The following ENTREP2 variants were observed in gnomAD, a reference collection of about 807,000 sequenced individuals.
The protein encoded by ENTREP2 is endosomal transmembrane epsin interactor 2.
the ENTREP2 span, among the ~76,000 whole-genome samples, chr15:29,178,307 A>AG: frequency 1.5e-4 from 23 of 151,694 alleles, no homozygotes; most frequent in African/African-American, 5.1e-4. Context: ...AAAAAAAAAA[A>AG]AAAGAAAGAA....
chr15:29,251,455 T>C, the ENTREP2 span, among the ~76,000 whole-genome samples: 1 of 152,246 alleles, frequency 6.6e-6, no homozygotes, highest in African/African-American at 2.4e-5. Flanking sequence ...CCCACCACGC[T>C]GCATGCAGCC....
At chr15:29,433,833 T>A in the ENTREP2 span, among the ~76,000 whole-genome samples, 1 of 149,882 alleles carries the variant, frequency 6.7e-6, no homozygotes, top group African/African-American at 2.5e-5. Flanking sequence ...CTGTGCATTC[T>A]CCTTTCCTAA....
the ENTREP2 span, among the ~76,000 whole-genome samples, chr15:29,447,560 G>A: frequency 6.6e-6 from 1 of 152,074 alleles, no homozygotes; most frequent in Admixed American, 6.5e-5. Flanking sequence ...CAACCTCTGG[G>A]CTTAAGCCAT....
At chr15:29,502,701 G>A in the ENTREP2 span, among the ~76,000 whole-genome samples, 1 of 151,924 alleles carries the variant, frequency 6.6e-6, no homozygotes, top group African/African-American at 2.4e-5. Flanking sequence ...TCTGATAAAG[G>A]TCTAGTAACC....
the ENTREP2 span, chr15:29,234,543 T>C: frequency 1.4e-5 from 19 of 1,384,188 alleles, no homozygotes; most frequent in African/African-American, 2.3e-4. Context: ...GGTGGGCAAA[T>C]AGCAACAGAT....
chr15:29,476,345 G>C, the ENTREP2 span, among the ~76,000 whole-genome samples: 1 of 152,218 alleles, frequency 6.6e-6, no homozygotes, highest in Non-Finnish European at 1.5e-5. Flanking sequence ...TCTATGTGTA[G>C]TTCTATTGGA....
the ENTREP2 span, among the ~76,000 whole-genome samples, chr15:29,325,366 A>G: frequency 6.6e-6 from 1 of 152,276 alleles, no homozygotes; most frequent in East Asian, 1.9e-4. Context: ...TTGAAAAATA[A>G]TAGAGAAAAT....
chr15:29,164,863 A>G, the ENTREP2 span, among the ~76,000 whole-genome samples: 2 of 152,278 alleles, frequency 1.3e-5, no homozygotes, highest in South Asian at 2.1e-4. Flanking sequence ...TCATCCAACA[A>G]CCTCAGAATA....
chr15:29,653,998 A>G, the ENTREP2 span, among the ~76,000 whole-genome samples: 1 of 152,162 alleles, frequency 6.6e-6, no homozygotes, highest in Admixed American at 6.5e-5. Context: ...TGATGCTAAC[A>G]TGTTCTGTTC....
chr15:29,641,176 C>T, the ENTREP2 span, among the ~76,000 whole-genome samples: 3 of 152,238 alleles, frequency 2.0e-5, no homozygotes, highest in South Asian at 2.1e-4. Context: ...AGTTCCTAAG[C>T]CTGATAAAAA....
chr15:29,464,698 T>C, the ENTREP2 span, among the ~76,000 whole-genome samples: 1 of 152,088 alleles, frequency 6.6e-6, no homozygotes, highest in East Asian at 1.9e-4. Flanking sequence ...GTGGACCCTA[T>C]GAAGAGGAGG....
the ENTREP2 span, among the ~76,000 whole-genome samples, chr15:29,129,568 G>T: frequency 6.6e-6 from 1 of 152,118 alleles, no homozygotes; most frequent in Non-Finnish European, 1.5e-5. Context: ...CTGCAGACTC[G>T]AACTCCTGGG....
the ENTREP2 span, among the ~76,000 whole-genome samples, chr15:29,139,679 A>G: frequency 6.6e-6 from 1 of 152,144 alleles, no homozygotes; most frequent in Admixed American, 6.5e-5. Flanking sequence ...AGGCTATGTA[A>G]AGGTCAAAGG....
the ENTREP2 span, among the ~76,000 whole-genome samples, chr15:29,519,624 C>T: frequency 2.6e-5 from 4 of 152,002 alleles, no homozygotes; most frequent in East Asian, 3.9e-4. Flanking sequence ...GTTAATTGAC[C>T]GTGTTTATTA....
At chr15:29,397,005 T>TTG in the ENTREP2 span, among the ~76,000 whole-genome samples, 1 of 152,142 alleles carries the variant, frequency 6.6e-6, no homozygotes, top group East Asian at 1.9e-4. Context: ...CCAAAATACA[T>TTG]TACAAGATGA....
the ENTREP2 span, among the ~76,000 whole-genome samples, chr15:29,299,958 TGGGTG>T: frequency 6.8e-6 from 1 of 146,472 alleles, no homozygotes; most frequent in African/African-American, 2.6e-5. Flanking sequence ...GATGGATGGG[TGGGTG>T]GATGAATGGA....
At chr15:29,400,415 A>G in the ENTREP2 span, among the ~76,000 whole-genome samples, 2 of 152,236 alleles carry the variant, frequency 1.3e-5, no homozygotes, top group Non-Finnish European at 2.9e-5. Context: ...CTTCATGACT[A>G]GATGGGAGGG....
the ENTREP2 span, among the ~76,000 whole-genome samples, chr15:29,167,456 CTG>C: frequency 6.6e-5 from 10 of 152,240 alleles, no homozygotes; most frequent in Middle Eastern, 3.4e-3. Context: ...CTACAACAAA[CTG>C]AAACAAATCA....
At chr15:29,415,057 G>A in the ENTREP2 span, among the ~76,000 whole-genome samples, 5 of 152,116 alleles carry the variant, frequency 3.3e-5, no homozygotes, top group African/African-American at 7.2e-5. Flanking sequence ...ATTCACAGCC[G>A]AATTCTACCA....
Sources: gnomAD v4.1 joint callset for allele counts (sites outside exome capture counted in the v4.1 genomes callset) on GRCh38, gnomAD v4.1.1 for gene constraint, MANE v1.5 for transcripts, NCBI Gene and HGNC (gene_info 2026-07-23, HGNC 2026-07-21) for gene names.